VNN2: variants seen among roughly 807,000 people sequenced by gnomAD.
The protein encoded by VNN2 is pantetheine hydrolase VNN2.
In VNN2, 43 loss-of-function variants were observed where a neutral mutation model predicts 43.0. The observed-to-expected ratio is 1.00, with a 90% confidence interval of 0.78 to 1.29. VNN2 has a LOEUF of 1.29. Ranked by LOEUF, VNN2 falls within the 50% of genes most tolerant of loss-of-function variation. The pLI, the probability that VNN2 is intolerant of heterozygous loss-of-function variation, is 0.00. For missense variants in VNN2, 652 were observed against 619.7 expected (o/e 1.05, Z -0.55); for synonymous variants, 230 against 224.3 (o/e 1.03, Z -0.23).
intron 5 of VNN2, 106 bp from the exon 6 acceptor site, chr6:132,749,971 T>C: frequency 9.0e-7 from 1 of 1,107,302 alleles, no homozygotes; most frequent in Non-Finnish European, 1.3e-6. Context: ...ATTATCTTTC[T>C]CTGAAAAGGG....
intron 6 of VNN2, 82 bp downstream of exon 6, chr6:132,749,613 A>G: frequency 7.5e-7 from 1 of 1,329,360 alleles, no homozygotes. Flanking sequence ...AGCAGAAGTT[A>G]ACTGGCAGAG....
chr6:132,746,552 T>C (rs932736232), intron 6 of VNN2, among the ~76,000 whole-genome samples: 5 of 151,896 alleles, frequency 3.3e-5, no homozygotes, highest in African/African-American at 1.2e-4. Flanking sequence ...GGACTTTTTT[T>C]TGGCTCTTTT....
intron 3 of VNN2, among the ~76,000 whole-genome samples, chr6:132,755,531 G>T (rs1224250703): frequency 7.9e-5 from 12 of 151,524 alleles, no homozygotes. Flanking sequence ...GTGCCATCAC[G>T]CCCCGCTAAT....
At chr6:132,762,484 C>T (rs1780761414), upstream of VNN2, among the ~76,000 whole-genome samples, 1 of 152,158 alleles carries the variant, frequency 6.6e-6, no homozygotes, top group Admixed American at 6.5e-5. Context: ...AAAAAAAGTA[C>T]TTAATGGCAA....
chr6:132,750,090 A>G (rs1247434145), intron 5 of VNN2, among the ~76,000 whole-genome samples: 1 of 152,198 alleles, frequency 6.6e-6, no homozygotes, highest in Admixed American at 6.5e-5. Context: ...AAGTCAGTTT[A>G]GAATTAGAGT....
intron 3 of VNN2, chr6:132,753,527 C>T (rs1040828802): frequency 5.8e-5 from 26 of 448,522 alleles, no homozygotes; most frequent in Non-Finnish European, 7.6e-5. Context: ...TTTAATTTCC[C>T]GATTCCTTCT....
chr6:132,750,995 CGT>C (rs36044107), intron 5 of VNN2, 148 bp downstream of exon 5: 11,211 of 784,158 alleles, frequency 0.014, no homozygotes, highest in East Asian at 0.017. Flanking sequence ...CATAAATGCA[CGT>C]GTGTGTGTGT....
chr6:132,757,269 A>AT, intron 2 of VNN2, 147 bp downstream of exon 2: 1 of 1,050,640 alleles, frequency 9.5e-7, no homozygotes, highest in Non-Finnish European at 1.3e-6. Flanking sequence ...TCTAAGTACA[A>AT]TTTTTTAAAA....
At chr6:132,754,265 A>G in intron 3 of VNN2, among the ~76,000 whole-genome samples, 1 of 152,232 alleles carries the variant, frequency 6.6e-6, no homozygotes, top group East Asian at 1.9e-4. Context: ...TGACCTTTCT[A>G]TTTTTACTAT....
Position 132,748,929 on chromosome 6 carries a change from T to TA in VNN2, c.1371+765dup, listed in dbSNP as rs1056590706. ...CTGGGTGACAGAGCAAGACTCTGTT[T>TA]AAAAAAAAATGTGAAATAAACATCT... On this transcript the variant is annotated intron_variant, in intron 6 of 6. Coordinates refer to ENST00000326499, the MANE Select transcript of VNN2 (RefSeq NM_004665.6). 1.1e-4 allele frequency among the ~76,000 whole-genome samples: 16 copies of TA among 151,554 alleles called. 1 individual carries two copies. The highest frequency in any genetic ancestry group is 5.9e-4 in the Admixed American group (9 of 15,200).
chr6:132,757,834 G>T lies in VNN2; in HGVS notation c.50C>A (p.Thr17Asn), dbSNP rs33950336. Residue 17 changes from threonine (T) to asparagine (N), a missense_variant, in exon 1 of 7, where the codon ACC (threonine) becomes AAC (asparagine). By Grantham distance (65) the Thr-to-Asn change is moderately conservative. Coordinates refer to ENST00000326499, the MANE Select transcript of VNN2 (RefSeq NM_004665.6). ...PISVAVFALI[T>N]LQVGTQDSFI... ...ACTGTCCTGAGTACCAACCTGCAGGGTTATTAGGGCAAAAACTGCCACAGA... is the reference window on the plus strand; with the variant it reads ...ACTGTCCTGAGTACCAACCTGCAGGTTTATTAGGGCAAAAACTGCCACAGA... 5.0e-3 allele frequency: 8,079 copies of T among 1,613,978 alleles called. 361 individuals carry two copies. The African/African-American group carries it at 0.095, about 19-fold the overall frequency.
At chr6:132,757,125 T>TC (rs1283135832) in intron 2 of VNN2, among the ~76,000 whole-genome samples, 1 of 152,210 alleles carries the variant, frequency 6.6e-6, no homozygotes, top group African/African-American at 2.4e-5. Context: ...CAATCCACTG[T>TC]CTACTTCAGA....
At chr6:132,745,185 T>C (rs1272131809) in intron 6 of VNN2, among the ~76,000 whole-genome samples, 2 of 152,078 alleles carry the variant, frequency 1.3e-5, no homozygotes, top group Non-Finnish European at 2.9e-5. Context: ...TTCCAGGAAA[T>C]TGGACAGCTG....
chr6:132,752,686 T>C lies in VNN2; in HGVS notation c.601A>G (p.Thr201Ala). 6.2e-7 allele frequency: 1 copy of C among 1,614,104 alleles called. No homozygotes were observed. Among genetic ancestry groups the C allele is most frequent in the Non-Finnish European group, 8.5e-7 (1 of 1,180,014 alleles). Residue 201 changes from threonine (T) to alanine (A), a missense_variant, in exon 4 of 7, where the codon ACC becomes GCC. Thr to Ala is a moderately conservative substitution (Grantham distance 58, BLOSUM62 0). Transcript: ENST00000326499. ...PEKPELVTFN[T>A]AFGRFGIFTC... ...AAAATGCCAAACCTTCCAAATGCGG[T>C]GTTGAAAGTCACCAACTCCGGCTTT... is the stretch of plus-strand genomic sequence containing the variant.
chr6:132,754,064 A>T (rs1780307370), intron 3 of VNN2: 1 of 152,000 alleles, frequency 6.6e-6, no homozygotes, highest in Non-Finnish European at 1.5e-5. Flanking sequence ...ACCCTCAGGG[A>T]AGAGTGAGAG....
Position 132,757,808 on chromosome 6 carries a change from A to T in VNN2, c.76T>A (p.Phe26Ile), listed in dbSNP as rs150589597. The change falls in exon 1 of 7, where the codon TTT becomes ATT. Residue 26 changes from phenylalanine to isoleucine, a missense_variant. Physicochemically the swap from Phe to Ile is conservative, Grantham distance 21. Transcript: ENST00000326499. ...GCATGTTCATACACTGCAGCTATAA[A>T]ACTGTCCTGAGTACCAACCTGCAGG... ...ITLQVGTQDSFIAAVYEHAVI... is the reference protein window; with the variant it reads ...ITLQVGTQDSIIAAVYEHAVI... 66 of 1,613,986 alleles carry T rather than the reference A, an allele frequency of 4.1e-5. No individual in the cohort carries two copies. Among genetic ancestry groups the T allele is most frequent in the Non-Finnish European group, 5.4e-5 (64 of 1,180,030 alleles).
upstream of VNN2, among the ~76,000 whole-genome samples, chr6:132,759,246 G>T (rs185221316): frequency 1.1e-4 from 16 of 151,886 alleles, no homozygotes; most frequent in East Asian, 3.1e-3. Flanking sequence ...AGACCAGCCT[G>T]GCCAACATAG....
chr6:132,745,585 A>G (rs144744256), intron 6 of VNN2, among the ~76,000 whole-genome samples: 1,562 of 152,332 alleles, frequency 0.01, 27 homozygotes, highest in African/African-American at 0.036. Context: ...GGCAAATTCC[A>G]TAAGTCAGGG....
chr6:132,758,848 C>T (rs945951382), upstream of VNN2, among the ~76,000 whole-genome samples: 1 of 152,244 alleles, frequency 6.6e-6, no homozygotes, highest in Admixed American at 6.5e-5. Context: ...AACAATACCC[C>T]GAGGCACCTA....
Sources: gnomAD v4.1 joint callset for allele counts (sites outside exome capture counted in the v4.1 genomes callset) on GRCh38, gnomAD v4.1.1 for gene constraint, MANE v1.5 for transcripts, NCBI Gene and HGNC (gene_info 2026-07-23, HGNC 2026-07-21) for gene names.